Variants in RBFOX1 observed in about 807,000 individuals in gnomAD.
RBFOX1 encodes the protein RNA binding fox-1 homolog 1, also known as RNA binding protein fox-1 homolog 1.
Under a neutral mutation model 57.7 loss-of-function variants are expected in RBFOX1, and 8 were observed. The ratio of observed to expected loss-of-function variants is 0.14; its 90% CI spans 0.08 to 0.25. RBFOX1 has a LOEUF of 0.25. Among genes scored for constraint, RBFOX1 ranks in the 10% least tolerant of loss-of-function variants. RBFOX1 has a pLI of 1.00. For synonymous variants in RBFOX1, 326 were observed against 222.4 expected (o/e 1.47, Z -4.15); for missense variants, 611 against 548.5 (o/e 1.11, Z -1.14).
At chr16:6,385,943 T>C (rs976542166) in intron 2 of RBFOX1, among the ~76,000 whole-genome samples, 18 of 151,288 alleles carry the variant, frequency 1.2e-4, no homozygotes, top group Admixed American at 3.3e-4. Flanking sequence ...TTCTTTCTTT[T>C]TTTTTTTTTT....
chr16:6,420,844 T>C (rs2093751821), intron 2 of RBFOX1, among the ~76,000 whole-genome samples: 1 of 152,186 alleles, frequency 6.6e-6, no homozygotes, highest in South Asian at 2.1e-4. Flanking sequence ...GAGTGCTTTA[T>C]GTGTGGGATG....
intron 3 of RBFOX1, among the ~76,000 whole-genome samples, chr16:5,679,360 A>G (rs573175584): frequency 1.3e-5 from 2 of 151,786 alleles, no homozygotes; most frequent in Admixed American, 1.3e-4. Flanking sequence ...AAACAATTTA[A>G]GTTCTGGGAT....
chr16:7,703,079 C>T (rs2081294853), intron 14 of RBFOX1, among the ~76,000 whole-genome samples: 2 of 151,536 alleles, frequency 1.3e-5, no homozygotes, highest in Admixed American at 1.3e-4. Context: ...TAGACCATGG[C>T]TCTCTAAAGA....
At chr16:7,653,593 C>T (rs1436517725) in intron 11 of RBFOX1, among the ~76,000 whole-genome samples, 2 of 152,202 alleles carry the variant, frequency 1.3e-5, no homozygotes, top group East Asian at 1.9e-4. Context: ...TCACCACATT[C>T]TCCTGGGCAA....
intron 2 of RBFOX1, among the ~76,000 whole-genome samples, chr16:6,466,119 C>T (rs948273942): frequency 6.6e-6 from 1 of 151,552 alleles, no homozygotes. Context: ...ATCCCAGCTA[C>T]TTGGGAGGCT....
chr16:5,407,069 G>C (rs1305334292), intron 1 of RBFOX1, among the ~76,000 whole-genome samples: 1 of 152,154 alleles, frequency 6.6e-6, no homozygotes, highest in African/African-American at 2.4e-5. Flanking sequence ...ACCTGGGTGG[G>C]GAGGCCTCAG....
At chr16:5,340,621 C>G (rs1267464435) in intron 1 of RBFOX1, among the ~76,000 whole-genome samples, 2 of 152,120 alleles carry the variant, frequency 1.3e-5, no homozygotes, top group Non-Finnish European at 2.9e-5. Context: ...AATGAACTGG[C>G]TTTTGCTGGT....
chr16:7,646,096 G>A (rs2063686907), intron 11 of RBFOX1, among the ~76,000 whole-genome samples: 1 of 152,112 alleles, frequency 6.6e-6, no homozygotes, highest in Admixed American at 6.5e-5. Flanking sequence ...GAGTGACCTA[G>A]TTGTCTGTAA....
At chr16:7,410,612 G>A (rs191555848) in intron 4 of RBFOX1, among the ~76,000 whole-genome samples, 17 of 152,324 alleles carry the variant, frequency 1.1e-4, no homozygotes, top group Admixed American at 1.1e-3. Flanking sequence ...AGAAGGCAGA[G>A]GTTGCAGTGA....
At chr16:6,915,163 C>T (rs1012980549) in intron 3 of RBFOX1, among the ~76,000 whole-genome samples, 2 of 152,188 alleles carry the variant, frequency 1.3e-5, no homozygotes, top group Non-Finnish European at 2.9e-5. Flanking sequence ...GGTCAAGGCA[C>T]TGGGGCTGAG....
At chr16:6,252,041 TC>T (rs2152947882) in intron 1 of RBFOX1, among the ~76,000 whole-genome samples, 1 of 152,264 alleles carries the variant, frequency 6.6e-6, no homozygotes, top group Non-Finnish European at 1.5e-5. Context: ...ATTTTAGGTC[TC>T]CTTGCTTGAT....
chr16:6,827,664 T>C (rs900201372), intron 3 of RBFOX1, among the ~76,000 whole-genome samples: 6 of 152,194 alleles, frequency 3.9e-5, no homozygotes, highest in African/African-American at 1.2e-4. Context: ...CTCACCCTTT[T>C]GAGGTCTCTT....
intron 3 of RBFOX1, among the ~76,000 whole-genome samples, chr16:6,743,909 A>G (rs1380117657): frequency 1.3e-5 from 2 of 150,812 alleles, no homozygotes; most frequent in Admixed American, 6.6e-5. Flanking sequence ...CCATTCATCT[A>G]TGATATATAC....
chr16:5,626,769 A>AG (rs1162702869), intron 3 of RBFOX1, among the ~76,000 whole-genome samples: 1 of 152,012 alleles, frequency 6.6e-6, no homozygotes, highest in African/African-American at 2.4e-5. Context: ...AGGTTCAACC[A>AG]GGGTTTTAAA....
chr16:6,856,129 C>T (rs1282095901), intron 3 of RBFOX1, among the ~76,000 whole-genome samples: 1 of 151,868 alleles, frequency 6.6e-6, no homozygotes. Context: ...TCCTTCCCTT[C>T]CCTTTACCTT....
intron 3 of RBFOX1, among the ~76,000 whole-genome samples, chr16:5,658,532 G>A (rs1027532997): frequency 6.6e-6 from 1 of 151,944 alleles, no homozygotes; most frequent in African/African-American, 2.4e-5. Flanking sequence ...TGGGTCATTC[G>A]TTCTCTGGGT....
At chr16:6,963,774 C>G (rs919559388) in intron 3 of RBFOX1, among the ~76,000 whole-genome samples, 3 of 152,036 alleles carry the variant, frequency 2.0e-5, no homozygotes, top group Non-Finnish European at 2.9e-5. Context: ...TCTCGGCTCA[C>G]TGCAAGCTCC....
intron 4 of RBFOX1, among the ~76,000 whole-genome samples, chr16:7,383,063 GA>G (rs201979928): frequency 3.8e-4 from 57 of 150,636 alleles, no homozygotes; most frequent in Admixed American, 2.8e-3. Flanking sequence ...GGTATCTAAA[GA>G]AAAAAAAATG....
At chr16:6,923,463 G>A (rs2074930015) in intron 3 of RBFOX1, among the ~76,000 whole-genome samples, 1 of 152,156 alleles carries the variant, frequency 6.6e-6, no homozygotes, top group Non-Finnish European at 1.5e-5. Flanking sequence ...AAACCGGGAG[G>A]TGGAGGAGGC....
Sources: gnomAD v4.1 joint callset for allele counts (sites outside exome capture counted in the v4.1 genomes callset) on GRCh38, gnomAD v4.1.1 for gene constraint, MANE v1.5 for transcripts, NCBI Gene and HGNC (gene_info 2026-07-23, HGNC 2026-07-21) for gene names.